NLGN1: variants seen among roughly 807,000 people sequenced by gnomAD.
NLGN1 encodes the protein neuroligin 1, also known as neuroligin-1.
A neutral mutation model predicts 65.5 loss-of-function variants in NLGN1; 12 were observed. That is an observed-to-expected ratio of 0.18 (90% CI 0.12 to 0.30). NLGN1 has a LOEUF of 0.30. Ranked by LOEUF, NLGN1 falls within the 10% of genes least tolerant of loss-of-function variation. NLGN1 has a pLI of 1.00. For synonymous variants in NLGN1, 350 were observed against 359.5 expected (o/e 0.97, Z 0.30); for missense variants, 750 against 1,007.1 (o/e 0.74, Z 3.46).
At chr3:173,989,671 A>C (rs1043875235) in intron 4 of NLGN1, among the ~76,000 whole-genome samples, 1 of 152,220 alleles carries the variant, frequency 6.6e-6, no homozygotes, top group African/African-American at 2.4e-5. Context: ...GGACATTTAC[A>C]AAGAAGACTC....
At chr3:174,169,677 A>G (rs1728165034) in intron 4 of NLGN1, among the ~76,000 whole-genome samples, 1 of 152,034 alleles carries the variant, frequency 6.6e-6, no homozygotes, top group South Asian at 2.1e-4. Flanking sequence ...TCTCAGGGAG[A>G]CAGAGTGGGG....
chr3:174,011,896 C>T (rs73042131), intron 4 of NLGN1, among the ~76,000 whole-genome samples: 7 of 152,254 alleles, frequency 4.6e-5, no homozygotes, highest in African/African-American at 1.7e-4. Flanking sequence ...AACAAAGTGC[C>T]ATTCTATGGT....
chr3:174,202,907 G>C (rs1286129572), intron 4 of NLGN1: 1 of 152,204 alleles, frequency 6.6e-6, no homozygotes, highest in East Asian at 1.9e-4. Context: ...GGTGAATCTT[G>C]TTGGTCAAGT....
rs1476936177 is a variant in NLGN1, at chr3:173,545,488, T to G, written c.-320-58791T>G. ...ACAAAGTATGTGGAAATACACTTTCTTTAAAGCTTTGTCAGGAGAGAATGT... is the reference window on the plus strand; with the variant it reads ...ACAAAGTATGTGGAAATACACTTTCGTTAAAGCTTTGTCAGGAGAGAATGT... On this transcript the variant is annotated intron_variant, in intron 2 of 6. Transcript: ENST00000457714. Among the ~76,000 whole-genome samples, 8 of 152,340 alleles carry G rather than the reference T, an allele frequency of 5.3e-5. No homozygotes were observed. In the East Asian group the frequency reaches 1.5e-3, roughly 29 times the overall value.
chr3:174,208,963 G>A (rs1220639149), intron 4 of NLGN1, among the ~76,000 whole-genome samples: 3 of 152,038 alleles, frequency 2.0e-5, no homozygotes, highest in African/African-American at 7.2e-5. Flanking sequence ...TGGTTCTGTT[G>A]CCCAGGCTGG....
chr3:173,515,322 G>A (rs1237460735), intron 2 of NLGN1, among the ~76,000 whole-genome samples: 1 of 151,996 alleles, frequency 6.6e-6, no homozygotes, highest in Non-Finnish European at 1.5e-5. Flanking sequence ...CAAGGTTTTA[G>A]CCCATTTTTA....
intron 1 of NLGN1, among the ~76,000 whole-genome samples, chr3:173,406,446 G>A (rs1718678369): frequency 1.3e-5 from 2 of 149,720 alleles, no homozygotes; most frequent in South Asian, 2.1e-4. Flanking sequence ...AATTGGCGAT[G>A]TACTATTTTA....
At chr3:174,039,921 A>T (rs1731922113) in intron 4 of NLGN1, among the ~76,000 whole-genome samples, 2 of 152,164 alleles carry the variant, frequency 1.3e-5, no homozygotes, top group Non-Finnish European at 2.9e-5. Flanking sequence ...GGTAGCTGGA[A>T]AGCTTACTGA....
At chr3:173,812,298 C>G (rs773150440) in intron 4 of NLGN1, among the ~76,000 whole-genome samples, 1 of 152,182 alleles carries the variant, frequency 6.6e-6, no homozygotes, top group East Asian at 1.9e-4. Flanking sequence ...GTTAACTTCA[C>G]TGCATATACA....
chr3:173,468,881 C>G (rs1413576788), intron 2 of NLGN1, among the ~76,000 whole-genome samples: 1 of 152,042 alleles, frequency 6.6e-6, no homozygotes, highest in South Asian at 2.1e-4. Flanking sequence ...GAATTAAAAG[C>G]CAGTGCATAA....
At chr3:173,404,654 G>A (rs1280852518) in intron 1 of NLGN1, among the ~76,000 whole-genome samples, 1 of 152,110 alleles carries the variant, frequency 6.6e-6, no homozygotes, top group Non-Finnish European at 1.5e-5. Flanking sequence ...GACCATCATG[G>A]AAGTATGTTT....
At chr3:173,480,860 G>T (rs1727161972) in intron 2 of NLGN1, among the ~76,000 whole-genome samples, 2 of 152,184 alleles carry the variant, frequency 1.3e-5, no homozygotes, top group Admixed American at 1.3e-4. Context: ...CTCAGAAGAA[G>T]TAAAGTAAGA....
chr3:173,755,506 C>A (rs1776960723), intron 3 of NLGN1, among the ~76,000 whole-genome samples: 1 of 152,020 alleles, frequency 6.6e-6, no homozygotes, highest in African/African-American at 2.4e-5. Flanking sequence ...TCTTTGGGAG[C>A]AATTTTCAAG....
intron 3 of NLGN1, among the ~76,000 whole-genome samples, chr3:173,640,079 A>G (rs968417937): frequency 1.3e-5 from 2 of 152,200 alleles, no homozygotes; most frequent in East Asian, 3.8e-4. Context: ...TTAATATGTC[A>G]TCTTTCAAGG....
At chr3:174,048,327 T>C (rs1050604050) in intron 4 of NLGN1, among the ~76,000 whole-genome samples, 8 of 152,048 alleles carry the variant, frequency 5.3e-5, no homozygotes, top group African/African-American at 1.9e-4. Flanking sequence ...AGTTTCCTCA[T>C]CTGCACAATG....
rs554810078 is a variant in NLGN1, at chr3:173,498,515, C to T, written c.-321+63437C>T. On this transcript the variant is annotated intron_variant, in intron 2 of 6. Transcript: ENST00000457714. ...TGTGAATAGTGCCGCAATAAACATA[C>T]GTGTGCATGTGGCTTTATAGTAGCA... 1.4e-4 allele frequency among the ~76,000 whole-genome samples: 22 copies of T among 151,874 alleles called. 1 individual carries two copies. Among genetic ancestry groups the T allele is most frequent in the African/African-American group, 3.6e-4 (15 of 41,188 alleles).
At chr3:173,554,929 C>CT (rs1741467997) in intron 2 of NLGN1, among the ~76,000 whole-genome samples, 2 of 152,042 alleles carry the variant, frequency 1.3e-5, no homozygotes, top group South Asian at 2.1e-4. Context: ...TATTTTTTGG[C>CT]TTTTTTGTTT....
intron 4 of NLGN1, among the ~76,000 whole-genome samples, chr3:173,947,155 G>A (rs958797157): frequency 6.8e-6 from 1 of 146,624 alleles, no homozygotes; most frequent in Non-Finnish European, 1.5e-5. Context: ...TCTGCCTCCC[G>A]GGTTCAAACG....
At chr3:174,183,023 C>A (rs189067301) in intron 4 of NLGN1, among the ~76,000 whole-genome samples, 1 of 152,258 alleles carries the variant, frequency 6.6e-6, no homozygotes, top group Admixed American at 6.5e-5. Flanking sequence ...GAAGGCCCTT[C>A]CCAATTGGCC....
Sources: allele counts gnomAD v4.1 joint callset (sites outside exome capture counted in the v4.1 genomes callset), GRCh38; gene constraint gnomAD v4.1.1; transcripts MANE v1.5; gene names NCBI Gene and HGNC (gene_info 2026-07-23, HGNC 2026-07-21).